The following ZNF624 variants were observed in gnomAD, a reference collection of about 807,000 sequenced individuals.
ZNF624 encodes the protein zinc finger protein 624.
Under a neutral mutation model 74.7 loss-of-function variants are expected in ZNF624, and 43 were observed. That is an observed-to-expected ratio of 0.58 (90% CI 0.45 to 0.74). ZNF624 has a LOEUF of 0.74. ZNF624 is among the 30% of genes least tolerant of loss of function. The probability of loss-of-function intolerance (pLI) is 0.00; values close to 1 mark genes in which losing one functional copy is unlikely to be tolerated. For missense variants in ZNF624, 820 were observed against 1,030.0 expected (o/e 0.80, Z 2.79); for synonymous variants, 331 against 341.3 (o/e 0.97, Z 0.33).
chr17:16,625,066 G>A (rs71360177), intron 5 of ZNF624, among the ~76,000 whole-genome samples: 1 of 148,886 alleles, frequency 6.7e-6, no homozygotes, highest in African/African-American at 2.5e-5. Flanking sequence ...TCATAGTTTA[G>A]AGCCAACTAT....
chr17:16,622,562 G>GTT lies in ZNF624; in HGVS notation c.2323_2324insAA (p.Thr775LysfsTer22). On this transcript the variant is annotated frameshift_variant, in exon 6 of 6. Transcript: ENST00000311331. LOFTEE classifies it high-confidence loss of function. ...CTTACAGGTGTAGGGTTTTTCTCCAGTGTGTGTTCTCCAATGCACTGTAAG... is the reference window on the plus strand; with the variant it reads ...CTTACAGGTGTAGGGTTTTTCTCCAGTTTGTGTGTTCTCCAATGCACTGTAAG... 1 of 1,613,808 alleles carries GTT rather than the reference G, an allele frequency of 6.2e-7. No homozygotes were observed. The highest frequency in any genetic ancestry group is 1.1e-5 in the South Asian group (1 of 91,048).
In ZNF624 at chr17:16,621,140, T is replaced by A. The variant is rs1240197807; in HGVS notation, c.*1148A>T. 6.6e-6 allele frequency: 1 copy of A among 152,222 alleles called. No homozygotes were observed. The highest frequency in any genetic ancestry group is 1.5e-5 in the Non-Finnish European group (1 of 68,040). 9.4% of individuals were successfully genotyped at this position (152,222 alleles called of 1,614,324 possible). ...TGATTATTTTAACAAAAATGATATA[T>A]TGTATATATACATTTGTTATAAAGC... is the stretch of plus-strand genomic sequence containing the variant. On this transcript the variant is annotated 3_prime_UTR_variant, in exon 6 of 6. Transcript: ENST00000311331.
At chr17:16,639,807 A>G (rs1460755421) in intron 3 of ZNF624, among the ~76,000 whole-genome samples, 1 of 152,222 alleles carries the variant, frequency 6.6e-6, no homozygotes, top group Non-Finnish European at 1.5e-5. Context: ...AACTGCAACA[A>G]CAAACCCCAG....
chr17:16,651,697 T>C (rs1909728887), intron 1 of ZNF624, among the ~76,000 whole-genome samples: 1 of 152,168 alleles, frequency 6.6e-6, no homozygotes. Flanking sequence ...CTTTTGCAAA[T>C]CTAATGAAAA....
chr17:16,622,394 G>C lies in ZNF624; in HGVS notation c.2492C>G (p.Thr831Ser). 4 of 1,613,742 alleles carry C rather than the reference G, an allele frequency of 2.5e-6. No homozygotes were observed. Among genetic ancestry groups the C allele is most frequent in the Non-Finnish European group, 3.4e-6 (4 of 1,179,850 alleles). ...ATTACATTTATAGGGTTTTTCTCCA[G>C]TATGCATCCTCAAGTGTACAGTAAA... Reference protein sequence around the residue: ...SDFTVHLRMHTGEKPYKCNEC... With the variant: ...SDFTVHLRMHSGEKPYKCNEC... Residue 831 changes from threonine to serine, a missense_variant, in exon 6 of 6, where the codon ACT (threonine) becomes AGT (serine). By Grantham distance (58) the Thr-to-Ser change is moderately conservative. Transcript: ENST00000311331.
chr17:16,647,245 C>G (rs1361805319), intron 3 of ZNF624, 84 bp downstream of exon 3: 15 of 1,163,810 alleles, frequency 1.3e-5, no homozygotes, highest in Non-Finnish European at 1.8e-5. Flanking sequence ...TGTGAACTTG[C>G]AATTAACTGG....
intron 5 of ZNF624, among the ~76,000 whole-genome samples, chr17:16,631,887 AATTAG>A (rs1032726709): frequency 1.3e-5 from 2 of 152,262 alleles, no homozygotes; most frequent in Non-Finnish European, 2.9e-5. Flanking sequence ...TAAATTTTAA[AATTAG>A]ATTAAACGGA....
downstream of ZNF624, chr17:16,617,566 A>G (rs1908815086): frequency 1.3e-6 from 2 of 1,574,078 alleles, no homozygotes; most frequent in South Asian, 2.2e-5. Context: ...TTCTGTACGA[A>G]CAGGTGGTCC....
chr17:16,627,482 C>T (rs1421904054), intron 5 of ZNF624, among the ~76,000 whole-genome samples: 2 of 152,206 alleles, frequency 1.3e-5, no homozygotes, highest in Admixed American at 1.3e-4. Flanking sequence ...TGTTTGAAAG[C>T]ATCTGAAAGC....
chr17:16,622,157 C>T lies in ZNF624; in HGVS notation c.*131G>A. 1.7e-6 allele frequency: 1 copy of T among 596,882 alleles called. No homozygotes were observed. The highest frequency in any genetic ancestry group is 1.9e-5 in the African/African-American group (1 of 53,036). The allele number at this position is 596,882 out of a possible 1,614,324, so 37.0% of individuals were successfully genotyped here. On this transcript the variant is annotated 3_prime_UTR_variant, in exon 6 of 6. Transcript: ENST00000311331. ...GATTTAATATTATTAAATGATTTCCCACATAATTGCTTATAGTTTCTCTGT... is the reference window on the plus strand; with the variant it reads ...GATTTAATATTATTAAATGATTTCCTACATAATTGCTTATAGTTTCTCTGT...
At chr17:16,638,604 T>C (rs1909392196) in intron 3 of ZNF624, among the ~76,000 whole-genome samples, 1 of 151,864 alleles carries the variant, frequency 6.6e-6, no homozygotes, top group Non-Finnish European at 1.5e-5. Flanking sequence ...CAGCAAACTA[T>C]CGCAAGGACA....
At chr17:16,642,169 T>C (rs1303825469) in intron 3 of ZNF624, among the ~76,000 whole-genome samples, 1 of 152,186 alleles carries the variant, frequency 6.6e-6, no homozygotes, top group Admixed American at 6.5e-5. Flanking sequence ...CTAAAATTCA[T>C]TTGGAAGTGA....
chr17:16,616,863 C>T (rs558680147), downstream of ZNF624: 3 of 1,331,732 alleles, frequency 2.3e-6, no homozygotes, highest in African/African-American at 1.5e-5. Context: ...CCCTGGAACT[C>T]GACCTGGACC....
Position 16,620,922 on chromosome 17 carries a change from T to C in ZNF624, c.*1366A>G, listed in dbSNP as rs1908893833. ...GTTCACATAATTACATAATATTACA[T>C]TTACAGTTTTATACCATAAAGGCAG... On this transcript the variant is annotated 3_prime_UTR_variant, in exon 6 of 6. Coordinates refer to ENST00000311331, the MANE Select transcript of ZNF624 (RefSeq NM_020787.4). 6.6e-6 allele frequency: 1 copy of C among 152,174 alleles called. No homozygotes were observed. The highest frequency in any genetic ancestry group is 1.5e-5 in the Non-Finnish European group (1 of 68,024). 9.4% of individuals were successfully genotyped at this position (152,174 alleles called of 1,614,324 possible).
At chr17:16,642,614 A>G (rs1042873324) in intron 3 of ZNF624, among the ~76,000 whole-genome samples, 1 of 152,200 alleles carries the variant, frequency 6.6e-6, no homozygotes, top group Non-Finnish European at 1.5e-5. Flanking sequence ...TTGGTAATGA[A>G]TTATTAGATA....
At chr17:16,624,646 G>A in intron 5 of ZNF624, 137 bp from the exon 6 acceptor site, 1 of 810,714 alleles carries the variant, frequency 1.2e-6, no homozygotes, top group Non-Finnish European at 1.8e-6. Flanking sequence ...TTGTTTTTTA[G>A]TGAGAAGAAG....
At chr17:16,642,465 A>G (rs1375486469) in intron 3 of ZNF624, among the ~76,000 whole-genome samples, 2 of 152,218 alleles carry the variant, frequency 1.3e-5, no homozygotes, top group Non-Finnish European at 2.9e-5. Flanking sequence ...GAATATTCAC[A>G]TGCCAAAGAA....
intron 3 of ZNF624, among the ~76,000 whole-genome samples, chr17:16,646,691 T>C (rs1029755357): frequency 3.3e-5 from 5 of 152,200 alleles, no homozygotes; most frequent in African/African-American, 9.7e-5. Flanking sequence ...GCAAAAATAA[T>C]TGCAATGTTT....
Position 16,624,529 on chromosome 17 carries a change from A to C in ZNF624, c.377-20T>G. 1 of 1,537,980 alleles carries C rather than the reference A, an allele frequency of 6.5e-7. No individual in the cohort carries two copies. Among genetic ancestry groups the C allele is most frequent in the Non-Finnish European group, 8.7e-7 (1 of 1,149,896 alleles). ...CCATGTCTGGGGCAAAAAAGAGAAA[A>C]ATCAAGTAATTCCTTTCCTAAGCTG... On this transcript the variant is annotated intron_variant, in intron 5 of 5. Coordinates refer to ENST00000311331, the MANE Select transcript of ZNF624 (RefSeq NM_020787.4).
Sources: allele counts gnomAD v4.1 joint callset (sites outside exome capture counted in the v4.1 genomes callset), GRCh38; gene constraint gnomAD v4.1.1; transcripts MANE v1.5; gene names NCBI Gene and HGNC (gene_info 2026-07-23, HGNC 2026-07-21).